ZMAT3: variants seen among roughly 807,000 people sequenced by gnomAD.
ZMAT3 encodes the protein zinc finger matrin-type 3.
In ZMAT3, 17 loss-of-function variants were observed where a neutral mutation model predicts 32.3. The observed-to-expected ratio is 0.53, with a 90% CI of 0.36 to 0.79. The LOEUF is 0.79. ZMAT3 is among the 30% of genes least tolerant of loss of function. ZMAT3 has a pLI of 0.00. For missense variants in ZMAT3, 329 were observed against 359.7 expected, an observed-to-expected ratio of 0.91 and a Z score of 0.69; for synonymous variants, 120 against 133.1, an observed-to-expected ratio of 0.90 and a Z score of 0.68.
intron 2 of ZMAT3, among the ~76,000 whole-genome samples, chr3:179,051,778 T>C (rs1019559385): frequency 1.3e-5 from 2 of 152,138 alleles, no homozygotes; most frequent in African/African-American, 4.8e-5. Flanking sequence ...CTTCAAACTA[T>C]AGCATACGGC....
At chr3:179,040,268 G>A (rs1017736572) in intron 2 of ZMAT3, among the ~76,000 whole-genome samples, 12 of 152,166 alleles carry the variant, frequency 7.9e-5, no homozygotes, top group African/African-American at 2.7e-4. Context: ...GCAACCCCAA[G>A]ACATGTAATT....
At chr3:179,047,390 G>A (rs984458227) in intron 2 of ZMAT3, among the ~76,000 whole-genome samples, 2 of 152,190 alleles carry the variant, frequency 1.3e-5, no homozygotes, top group Non-Finnish European at 2.9e-5. Context: ...CTCTGACATA[G>A]TCTACCCAAA....
intron 2 of ZMAT3, among the ~76,000 whole-genome samples, chr3:179,033,195 C>T (rs895661224): frequency 1.8e-4 from 28 of 152,182 alleles, no homozygotes; most frequent in Admixed American, 1.6e-3. Context: ...CCCCCAACCC[C>T]GTGCTCTCTG....
At chr3:179,066,162 A>C in intron 2 of ZMAT3, among the ~76,000 whole-genome samples, 1 of 152,190 alleles carries the variant, frequency 6.6e-6, no homozygotes, top group South Asian at 2.1e-4. Flanking sequence ...CAGGCAAAGG[A>C]AGACCCTGTA....
Position 179,023,711 on chromosome 3 carries a change from T to TATA in ZMAT3, c.*1305_*1306insTAT, listed in dbSNP as rs57477590. The TATA allele has an allele frequency of 8.8e-3, 132 of 15,064 alleles. 22 individuals are homozygous for TATA. The highest frequency in any genetic ancestry group is 0.017 in the African/African-American group (38 of 2,216). 0.9% of individuals were successfully genotyped at this position (15,064 alleles called of 1,614,324 possible). On this transcript the variant is annotated 3_prime_UTR_variant, in exon 6 of 6. Transcript: ENST00000311417. ...GAAAATATATCTATATATATATATA[T>TATA]TTTTTTTTTTTTTTTTTTTTTTTTT... is the stretch of plus-strand genomic sequence containing the variant.
At chr3:179,064,663 G>T (rs1292857548) in intron 2 of ZMAT3, among the ~76,000 whole-genome samples, 2 of 151,968 alleles carry the variant, frequency 1.3e-5, no homozygotes, top group Non-Finnish European at 2.9e-5. Context: ...ACTCCTGAAC[G>T]CAAACTATCT....
intron 2 of ZMAT3, among the ~76,000 whole-genome samples, chr3:179,048,291 G>A (rs573702315): frequency 1.8e-4 from 27 of 152,212 alleles, no homozygotes; most frequent in African/African-American, 3.4e-4. Flanking sequence ...CTAGACATCC[G>A]AATACAAGAA....
chr3:179,056,342 A>G (rs544621429), intron 2 of ZMAT3, among the ~76,000 whole-genome samples: 3 of 151,942 alleles, frequency 2.0e-5, no homozygotes, highest in Admixed American at 1.3e-4. Flanking sequence ...GGGGGGGTCC[A>G]CTACTTTAGT....
In ZMAT3 at chr3:179,022,494, G is replaced by C. The variant is rs1425951845; in HGVS notation, c.*2523C>G. 1 of 151,738 alleles carries C rather than the reference G, an allele frequency of 6.6e-6. No individual in the cohort carries two copies. The highest frequency in any genetic ancestry group is 1.5e-5 in the Non-Finnish European group (1 of 67,950). 9.4% of individuals were successfully genotyped at this position (151,738 alleles called of 1,614,324 possible). A position where few individuals can be genotyped will look rare whatever the true frequency, so the allele number is the denominator to read the frequency against. On this transcript the variant is annotated 3_prime_UTR_variant, in exon 6 of 6. Coordinates refer to ENST00000311417, the MANE Select transcript of ZMAT3 (RefSeq NM_022470.4). ...AAAACTAGATTTTTAGGTAATCATAGAACCAAGCGGCCAGCACTATAATGT... is the reference window on the plus strand; with the variant it reads ...AAAACTAGATTTTTAGGTAATCATACAACCAAGCGGCCAGCACTATAATGT...
chr3:179,046,328 A>G lies in ZMAT3; in HGVS notation c.271-15329T>C, dbSNP rs532607796. On this transcript the variant is annotated intron_variant, in intron 2 of 5. Transcript: ENST00000311417. This position sits in a 1 kb window ranked among gnomAD's most constrained non-coding sequence, Gnocchi z 4.3. ...AAGCAGATATTGCATCCACAACATAATGATACTAATGGCAACTAAGAAAAG... is the reference window on the plus strand; with the variant it reads ...AAGCAGATATTGCATCCACAACATAGTGATACTAATGGCAACTAAGAAAAG... Among the ~76,000 whole-genome samples, 11 of 152,316 alleles carry G rather than the reference A, an allele frequency of 7.2e-5. No homozygotes were observed. The South Asian group carries it at 1.9e-3, about 26-fold the overall frequency.
intron 2 of ZMAT3, among the ~76,000 whole-genome samples, chr3:179,044,188 G>C (rs1382573919): frequency 6.6e-6 from 1 of 152,192 alleles, no homozygotes; most frequent in Admixed American, 6.5e-5. Flanking sequence ...TCTAGAACTA[G>C]AAATACCATT....
intron 2 of ZMAT3, among the ~76,000 whole-genome samples, chr3:179,040,614 C>A (rs1719867787): frequency 1.3e-5 from 2 of 152,094 alleles, no homozygotes; most frequent in South Asian, 4.1e-4. Flanking sequence ...GTAACAACCA[C>A]TGCAAAAACT....
intron 2 of ZMAT3, among the ~76,000 whole-genome samples, chr3:179,038,350 G>A (rs1455001040): frequency 2.0e-5 from 3 of 152,204 alleles, no homozygotes; most frequent in Non-Finnish European, 4.4e-5. Context: ...GGAGGCTGAG[G>A]CAGAAGGATC....
intron 2 of ZMAT3, among the ~76,000 whole-genome samples, chr3:179,034,199 G>T (rs1000946223): frequency 6.6e-6 from 1 of 152,106 alleles, no homozygotes; most frequent in African/African-American, 2.4e-5. Flanking sequence ...ATAAACTAAG[G>T]ACTAGCACAT....
chr3:179,039,154 G>A (rs994867822), intron 2 of ZMAT3, among the ~76,000 whole-genome samples: 5 of 152,254 alleles, frequency 3.3e-5, no homozygotes, highest in African/African-American at 1.2e-4. Context: ...AAAGGCAGCA[G>A]ACAACTTCTG....
intron 2 of ZMAT3, among the ~76,000 whole-genome samples, chr3:179,056,307 C>A (rs1019954593): frequency 6.6e-6 from 1 of 150,520 alleles, no homozygotes; most frequent in Admixed American, 6.6e-5. Flanking sequence ...GCAGGCGAAA[C>A]GGGACAAACG....
At chr3:179,057,408 TG>T (rs1437586572) in intron 2 of ZMAT3, among the ~76,000 whole-genome samples, 1 of 152,156 alleles carries the variant, frequency 6.6e-6, no homozygotes, top group Non-Finnish European at 1.5e-5. Context: ...TGAAGATCCT[TG>T]GAACCCAGTG....
Position 179,030,555 on chromosome 3 carries a change from C to T in ZMAT3, c.390+325G>A, listed in dbSNP as rs990218697. On this transcript the variant is annotated intron_variant, in intron 3 of 5. Transcript: ENST00000311417. The stretch of plus-strand genomic sequence containing the variant: ...ATTTTTAATTGGGACAGGGTTTCAC[C>T]GTGTTAGCCATGATGGTCTCGATCT... Among the ~76,000 whole-genome samples, 4 of 152,014 alleles carry T rather than the reference C, an allele frequency of 2.6e-5. No homozygotes were observed. In the South Asian group the frequency reaches 8.3e-4, roughly 32 times the overall value.
chr3:179,041,194 A>G (rs1719906090), intron 2 of ZMAT3, among the ~76,000 whole-genome samples: 1 of 152,192 alleles, frequency 6.6e-6, no homozygotes, highest in South Asian at 2.1e-4. Flanking sequence ...GTTAACAAGC[A>G]TATACAGGAC....
Sources: gnomAD v4.1 joint callset for allele counts (sites outside exome capture counted in the v4.1 genomes callset) on GRCh38, gnomAD v4.1.1 for gene constraint, Gnocchi (gnomAD v3.1) non-coding constraint, MANE v1.5 for transcripts, NCBI Gene and HGNC (gene_info 2026-07-23, HGNC 2026-07-21) for gene names.